Variants in CCNB3 observed in about 807,000 individuals in gnomAD.
CCNB3 encodes the protein cyclin B3.
CCNB3 carries 12 observed loss-of-function variants against 68.0 expected under a neutral mutation model. That is an observed-to-expected ratio of 0.18 (90% CI 0.11 to 0.29). The LOEUF (loss-of-function observed/expected upper bound fraction) is 0.29, where lower values mean the gene tolerates loss of function less well. CCNB3 is among the 10% of genes least tolerant of loss of function. CCNB3 has a pLI of 1.00. For synonymous variants in CCNB3, 354 were observed against 388.9 expected (o/e 0.91, Z 1.06); for missense variants, 904 against 993.1 (o/e 0.91, Z 1.21).
intron 5 of CCNB3, among the ~76,000 whole-genome samples, chrX:50,300,252 G>A (rs188672340): frequency 8.9e-6 from 1 of 111,769 alleles, no homozygotes; most frequent in East Asian, 2.8e-4. Context: ...AATTTGGCAT[G>A]TTTTTGCAGT....
intron 5 of CCNB3, among the ~76,000 whole-genome samples, chrX:50,296,228 C>T (rs1188101282): frequency 9.8e-6 from 1 of 101,883 alleles, no homozygotes; most frequent in African/African-American, 3.6e-5. Flanking sequence ...TGTGCTGCAC[C>T]CATTAACTCA....
At chrX:50,212,511 A>G (rs1168894923) in intron 1 of CCNB3, among the ~76,000 whole-genome samples, 1 of 111,908 alleles carries the variant, frequency 8.9e-6, no homozygotes, top group Admixed American at 9.5e-5. Context: ...CTTTGTTGAA[A>G]TATAATTTAT....
chrX:50,310,151 T>A lies in CCNB3; in HGVS notation c.1982T>A (p.Ile661Asn). 8.3e-7 allele frequency: 1 copy of A among 1,210,258 alleles called. No homozygotes were observed. The highest frequency in any genetic ancestry group is 1.1e-6 in the Non-Finnish European group (1 of 894,335). The change falls in exon 6 of 13, where the codon ATC becomes AAC. Residue 661 changes from isoleucine to asparagine, a missense_variant. Around this residue, in one of 2 missense-constraint regions of CCNB3, gnomAD observed 619 missense variants for 609.8 expected, o/e 1.02. Transcript: ENST00000376042. ...TCCCTCTCAAAAGAGTCATTGGCCA[T>A]CCAAGAGAAGGCTACCACTGAGGAG... ...EVSLSKESLA[I>N]QEKATTEEEF...
chrX:50,341,315 G>A (rs1923118584), intron 8 of CCNB3, among the ~76,000 whole-genome samples: 1 of 100,318 alleles, frequency 1.0e-5, no homozygotes, highest in Admixed American at 1.1e-4. Flanking sequence ...GGGAGACAGA[G>A]CGAAACTCCG....
rs549044692 is a variant in CCNB3, at chrX:50,283,914, A to C, written c.-112-628A>C. 2.9e-4 allele frequency among the ~76,000 whole-genome samples: 32 copies of C among 109,218 alleles called. 1 individual carries two copies. The South Asian group carries it at 0.012, about 41-fold the overall frequency. The allele number at this position is 109,218 out of a possible 115,157, so 94.8% of individuals were successfully genotyped here. On this transcript the variant is annotated intron_variant, in intron 1 of 12. Transcript: ENST00000376042. Reference sequence around the variant, plus strand: ...TTTTTTTTAGTTTGGCATGACAGACACATATAAATTTTATTATGATTTAAT... The same window carrying C: ...TTTTTTTTAGTTTGGCATGACAGACCCATATAAATTTTATTATGATTTAAT...
At chrX:50,228,291 A>AAATACATATATAGAGAATATATATG (rs1935961837) in intron 1 of CCNB3, among the ~76,000 whole-genome samples, 1 of 94,183 alleles carries the variant, frequency 1.1e-5, no homozygotes, top group Admixed American at 1.4e-4. Flanking sequence ...GAATATATAT[A>AAATACATATATAGAGAATATATATG]AATACATATA....
rs955069526 is a variant in CCNB3 at position 50,281,145 on chromosome X, A to C, written c.-112-3397A>C. ...CCAATTATACCAGAAACAACACCCT[A>C]CTGCGAGGTCCTTCAGAGGCAGAGT... On this transcript the variant is annotated intron_variant, in intron 1 of 12. Transcript: ENST00000376042. Among the ~76,000 whole-genome samples the C allele has an allele frequency of 1.1e-4, 12 of 111,024 alleles. No homozygotes were observed. In the South Asian group the frequency reaches 4.7e-3, roughly 43 times the overall value.
At chrX:50,216,930 T>C (rs1337233391) in intron 1 of CCNB3, among the ~76,000 whole-genome samples, 3 of 110,876 alleles carry the variant, frequency 2.7e-5, no homozygotes, top group Non-Finnish European at 5.7e-5. Flanking sequence ...TATAGAAACG[T>C]TTCCTTCCTT....
chrX:50,333,241 G>A (rs1557218342), intron 8 of CCNB3, among the ~76,000 whole-genome samples: 1 of 111,409 alleles, frequency 9.0e-6, no homozygotes, highest in Non-Finnish European at 1.9e-5. Flanking sequence ...TCCAAACCTA[G>A]GAATAAGATC....
chrX:50,307,700 C>T (rs1557213753), intron 5 of CCNB3, among the ~76,000 whole-genome samples: 1 of 110,773 alleles, frequency 9.0e-6, no homozygotes, highest in Non-Finnish European at 1.9e-5. Flanking sequence ...CTACCCCTGT[C>T]CCAGCCTCAG....
At chrX:50,304,526 G>A (rs1936717896) in intron 5 of CCNB3, among the ~76,000 whole-genome samples, 1 of 111,833 alleles carries the variant, frequency 8.9e-6, no homozygotes, top group Admixed American at 9.5e-5. Flanking sequence ...AGACTTAAAT[G>A]TTAGACCTGA....
At chrX:50,298,177 G>A (rs1295200396) in intron 5 of CCNB3, among the ~76,000 whole-genome samples, 1 of 111,553 alleles carries the variant, frequency 9.0e-6, no homozygotes, top group African/African-American at 3.3e-5. Context: ...TGTTGAATAG[G>A]AGTGGTGAGA....
chrX:50,282,598 C>T (rs1013569210), intron 1 of CCNB3, among the ~76,000 whole-genome samples: 7 of 111,182 alleles, frequency 6.3e-5, no homozygotes, highest in African/African-American at 1.3e-4. Flanking sequence ...GAGAGTGTTC[C>T]GCAGAGAGTG....
rs142173633 is a variant in CCNB3, at chrX:50,208,109, T to C, written c.-113+3159T>C. Among the ~76,000 whole-genome samples the C allele has an allele frequency of 4.2e-3, 472 of 112,270 alleles. 3 individuals carry two copies. Among genetic ancestry groups the C allele is most frequent in the African/African-American group, 0.014 (433 of 30,934 alleles). On this transcript the variant is annotated intron_variant, in intron 1 of 12. Transcript: ENST00000376042. ...GTGAAATGTCTGTGAGGGAAGCTCATTGGAGAATCAGTGGCAAGGGTTTTT... is the reference window on the plus strand; with the variant it reads ...GTGAAATGTCTGTGAGGGAAGCTCACTGGAGAATCAGTGGCAAGGGTTTTT...
chrX:50,308,942 A>C lies in CCNB3; in HGVS notation c.773A>C (p.Glu258Ala). The C allele has an allele frequency of 8.3e-7, 1 of 1,211,732 alleles. No homozygotes were observed. Among genetic ancestry groups the C allele is most frequent in the Non-Finnish European group, 1.1e-6 (1 of 895,387 alleles). Residue 258 changes from glutamate (E) to alanine (A), a missense_variant, in exon 6 of 13, where the codon GAG (glutamate) becomes GCG (alanine). By Grantham distance (107) the Glu-to-Ala change is moderately radical (BLOSUM62 -1). This residue lies in a region of CCNB3 where 619 missense variants were observed against 609.8 expected (regional missense o/e 1.02). Transcript: ENST00000376042. ...GCTGTGCAGGATGTCAATATGGAAG[A>C]GGATTCCTTCTTTATGGAGTCAATG... ...SLAVQDVNMEEDSFFMESMSF... is the reference protein window; with the variant it reads ...SLAVQDVNMEADSFFMESMSF...
At chrX:50,214,913 T>A (rs1442025385) in intron 1 of CCNB3, among the ~76,000 whole-genome samples, 10 of 107,632 alleles carry the variant, frequency 9.3e-5, no homozygotes, top group African/African-American at 3.4e-4. Context: ...GTTTTTTTTT[T>A]ATTTTGATTA....
chrX:50,318,781 C>G (rs1049425386), intron 8 of CCNB3, among the ~76,000 whole-genome samples: 1 of 111,374 alleles, frequency 9.0e-6, no homozygotes, highest in Non-Finnish European at 1.9e-5. Flanking sequence ...TAAAACTTCC[C>G]CGAATGTTAA....
intron 5 of CCNB3, among the ~76,000 whole-genome samples, chrX:50,301,463 G>A (rs1216247346): frequency 4.5e-5 from 5 of 111,795 alleles, no homozygotes; most frequent in African/African-American, 9.8e-5. Flanking sequence ...TTGGTGAACC[G>A]CAAATGTTGC....
At chrX:50,204,256 G>C (rs149120947), upstream of CCNB3, among the ~76,000 whole-genome samples, 12 of 111,633 alleles carry the variant, frequency 1.1e-4, no homozygotes, top group African/African-American at 3.6e-4. Context: ...TTCTTTCCCA[G>C]AGCAGTAATT....
Sources: allele counts gnomAD v4.1 joint callset (sites outside exome capture counted in the v4.1 genomes callset), GRCh38; gene constraint gnomAD v4.1.1; regional missense constraint gnomAD v4.1.1; transcripts MANE v1.5; gene names NCBI Gene and HGNC (gene_info 2026-07-23, HGNC 2026-07-21).